Variants in GRAMD2A observed in about 807,000 individuals in gnomAD.
GRAMD2A encodes GRAM domain-containing protein 2A.
Under a neutral mutation model 51.1 loss-of-function variants are expected in GRAMD2A, and 37 were observed. The observed-to-expected ratio is 0.72, with a 90% CI of 0.56 to 0.95. The LOEUF is 0.95. Among genes scored for constraint, GRAMD2A ranks in the 40% least tolerant of loss-of-function variants. The pLI, the probability that GRAMD2A is intolerant of heterozygous loss-of-function variation, is 0.00. For synonymous variants in GRAMD2A, 136 were observed against 157.1 expected (o/e 0.87, Z 1.01); for missense variants, 414 against 426.9 (o/e 0.97, Z 0.27).
At position 72,170,991 on chromosome 15, in the gene GRAMD2A, A is replaced by G. The variant is rs895354576; in HGVS notation, c.42-1052T>C. Among the ~76,000 whole-genome samples the G allele has an allele frequency of 6.6e-6, 1 of 152,162 alleles. No homozygotes were observed. The highest frequency in any genetic ancestry group is 1.5e-5 in the Non-Finnish European group (1 of 68,032). On this transcript the variant is annotated intron_variant, in intron 1 of 11. Coordinates refer to ENST00000309731, the MANE Select transcript of GRAMD2A (RefSeq NM_001012642.3). This position sits in a 1 kb window ranked among gnomAD's most constrained non-coding sequence, Gnocchi z 4.5. ...GATCTGCCAGGACCCTCAGAGATTG[A>G]TTCAGCCTCACCCGCTCCCACCATA... is the stretch of plus-strand genomic sequence containing the variant.
chr15:72,167,728 A>C lies in GRAMD2A; in HGVS notation c.372+8T>G. 1 of 1,607,086 alleles carries C rather than the reference A, an allele frequency of 6.2e-7. No individual in the cohort carries two copies. The highest frequency in any genetic ancestry group is 8.5e-7 in the Non-Finnish European group (1 of 1,173,664). On this transcript the variant is annotated splice_region_variant and intron_variant, in intron 5 of 11. Transcript: ENST00000309731. Reference sequence around the variant, plus strand: ...AGGGTCATGGCAGCCCTCACCACTCATTACTACCTTGATATCCTTGCCAAA... The same window carrying C: ...AGGGTCATGGCAGCCCTCACCACTCCTTACTACCTTGATATCCTTGCCAAA...
In GRAMD2A at chr15:72,171,096, C is replaced by A. The variant is rs892063587; in HGVS notation, c.42-1157G>T. On this transcript the variant is annotated intron_variant, in intron 1 of 11. Transcript: ENST00000309731. ...CTACAGTGAACAGCCAGTGACCTCA[C>A]CCACAAAATCAGCCCAGCCATGGCC... 2.6e-5 allele frequency among the ~76,000 whole-genome samples: 4 copies of A among 152,146 alleles called. No homozygotes were observed. The South Asian group carries it at 8.3e-4, about 31-fold the overall frequency.
intron 1 of GRAMD2A, among the ~76,000 whole-genome samples, chr15:72,197,028 C>A (rs2081809894): frequency 6.6e-6 from 1 of 152,210 alleles, no homozygotes; most frequent in African/African-American, 2.4e-5. Context: ...TCCCAGGACC[C>A]TAAGACCTCA....
rs1373833074 is a variant in GRAMD2A at position 72,190,146 on chromosome 15, G to A, written c.41+7585C>T. Among the ~76,000 whole-genome samples the A allele has an allele frequency of 2.0e-5, 3 of 152,182 alleles. No homozygotes were observed. The East Asian group carries it at 5.8e-4, about 29-fold the overall frequency. ...AATCCCAGCACTTTGGGAGGCCAAG[G>A]CGGGAGGATCACAAGGTCAGGAGAT... On this transcript the variant is annotated intron_variant, in intron 1 of 11. Transcript: ENST00000309731.
intron 2 of GRAMD2A, 51 bp from the exon 3 acceptor site, chr15:72,169,047 T>C (rs2081580591): frequency 6.5e-7 from 1 of 1,550,116 alleles, no homozygotes; most frequent in Non-Finnish European, 8.9e-7. Flanking sequence ...GTCCTGCCCA[T>C]GCATCCTCAG....
intron 1 of GRAMD2A, among the ~76,000 whole-genome samples, chr15:72,191,004 A>G (rs2081764241): frequency 1.3e-5 from 2 of 152,240 alleles, no homozygotes; most frequent in South Asian, 4.1e-4. Flanking sequence ...TTGAGCATCA[A>G]TAAGAATGGA....
intron 11 of GRAMD2A, 77 bp downstream of exon 11, chr15:72,162,196 G>C (rs899388004): frequency 7.2e-7 from 1 of 1,387,104 alleles, no homozygotes; most frequent in African/African-American, 1.4e-5. Flanking sequence ...AGTCCAGCCA[G>C]GCAGCCTGGC....
At chr15:72,197,508 AC>A (rs1034813443) in intron 1 of GRAMD2A, among the ~76,000 whole-genome samples, 2 of 151,556 alleles carry the variant, frequency 1.3e-5, no homozygotes, top group African/African-American at 2.4e-5. Context: ...CAGCCAAGAC[AC>A]CCGGTCCTAG....
intron 11 of GRAMD2A, 87 bp downstream of exon 11, chr15:72,162,186 A>G: frequency 7.4e-7 from 1 of 1,357,398 alleles, no homozygotes. Flanking sequence ...AACAGGACCA[A>G]GTCCAGCCAG....
rs34815962 is a variant in GRAMD2A at position 72,169,914 on chromosome 15, C to T, written c.67G>A (p.Ala23Thr). Reference protein sequence around the residue: ...GGNQQMHRKTASLNSPVSCKE... With the variant: ...GGNQQMHRKTTSLNSPVSCKE... ...CAGGACACAGGACTGTTCAGAGAAGCTGTCTTTCTGTGCATTTGTTGGTTG... is the reference window on the plus strand; with the variant it reads ...CAGGACACAGGACTGTTCAGAGAAGTTGTCTTTCTGTGCATTTGTTGGTTG... The change falls in exon 2 of 12, where the codon GCT (alanine) becomes ACT (threonine). Residue 23 changes from alanine to threonine, a missense_variant. Transcript: ENST00000309731. The T allele has an allele frequency of 0.017, 28,141 of 1,613,990 alleles. 342 individuals are homozygous for T. The highest frequency in any genetic ancestry group is 0.026 in the East Asian group (1,170 of 44,876).
chr15:72,168,835 T>A, intron 3 of GRAMD2A, 104 bp downstream of exon 3: 3 of 1,049,986 alleles, frequency 2.9e-6, no homozygotes, highest in Non-Finnish European at 4.5e-6. Flanking sequence ...GTCTCCTGAT[T>A]TCCTGATGAC....
intron 1 of GRAMD2A, among the ~76,000 whole-genome samples, chr15:72,172,093 T>G (rs929019645): frequency 6.6e-6 from 1 of 151,976 alleles, no homozygotes; most frequent in African/African-American, 2.4e-5. Context: ...CCCAGAGTGC[T>G]GGGATTACAG....
intron 2 of GRAMD2A, 139 bp downstream of exon 2, chr15:72,169,708 G>A (rs972643243): frequency 2.5e-5 from 18 of 721,880 alleles, no homozygotes; most frequent in Non-Finnish European, 4.6e-5. Context: ...GAAGAAGCCT[G>A]GGGCAGCCTG....
At chr15:72,181,071 T>G (rs1373016812) in intron 1 of GRAMD2A, among the ~76,000 whole-genome samples, 1 of 152,166 alleles carries the variant, frequency 6.6e-6, no homozygotes, top group East Asian at 1.9e-4. Context: ...ACAGGGTCAC[T>G]GTAGAGGGGT....
chr15:72,197,784 AC>A lies in GRAMD2A; in HGVS notation c.-14del. On this transcript the variant is annotated 5_prime_UTR_variant, in exon 1 of 12. Transcript: ENST00000309731. ...TTAAAGCGGTCATCCCGGCGCCTGC[AC>A]CCAGCGCCCCGACCGCGCGCCGGGA... 1 of 1,271,072 alleles carries A rather than the reference AC, an allele frequency of 7.9e-7. No individual in the cohort carries two copies. The highest frequency in any genetic ancestry group is 1.0e-6 in the Non-Finnish European group (1 of 1,002,914). The allele number at this position is 1,271,072 out of a possible 1,614,324, so 78.7% of individuals were successfully genotyped here.
chr15:72,167,164 A>G, intron 5 of GRAMD2A, 72 bp from the exon 6 acceptor site: 4 of 1,177,486 alleles, frequency 3.4e-6, no homozygotes, highest in South Asian at 2.4e-5. Flanking sequence ...CTGCCTAGGG[A>G]CCCAGCTGTG....
At chr15:72,169,772 T>C in intron 2 of GRAMD2A, 75 bp downstream of exon 2, 2 of 1,248,190 alleles carry the variant, frequency 1.6e-6, no homozygotes, top group East Asian at 4.6e-5. Context: ...GAGGTCCTCT[T>C]ACAAACAGGT....
At chr15:72,188,920 G>A (rs1186688363) in intron 1 of GRAMD2A, among the ~76,000 whole-genome samples, 1 of 152,166 alleles carries the variant, frequency 6.6e-6, no homozygotes, top group East Asian at 1.9e-4. Context: ...TTGACCTCAG[G>A]TGATCTGCCC....
intron 1 of GRAMD2A, among the ~76,000 whole-genome samples, chr15:72,188,549 G>T (rs559252266): frequency 1.3e-5 from 2 of 152,094 alleles, no homozygotes; most frequent in African/African-American, 4.8e-5. Flanking sequence ...TTGGAAAAGC[G>T]TTCTGTAGAA....
Sources: allele counts gnomAD v4.1 joint callset (sites outside exome capture counted in the v4.1 genomes callset), GRCh38; gene constraint gnomAD v4.1.1; non-coding constraint Gnocchi (gnomAD v3.1); transcripts MANE v1.5; gene names NCBI Gene and HGNC (gene_info 2026-07-23, HGNC 2026-07-21).